SMARCB1: variants seen among roughly 807,000 people sequenced by gnomAD.
The protein encoded by SMARCB1 is SWI/SNF related BAF chromatin remodeling complex subunit B1.
A neutral mutation model predicts 49.0 loss-of-function variants in SMARCB1; 5 were observed. The observed-to-expected ratio is 0.10, with a 90% CI of 0.05 to 0.21. SMARCB1 has a LOEUF of 0.21. SMARCB1 is among the 10% of genes least tolerant of loss of function. The probability of loss-of-function intolerance (pLI) is 1.00; values close to 1 mark genes in which losing one functional copy is unlikely to be tolerated. For missense variants in SMARCB1, 226 were observed against 509.2 expected, an observed-to-expected ratio of 0.44 and a Z score of 5.35; for synonymous variants, 201 against 200.1, an observed-to-expected ratio of 1.00 and a Z score of -0.04.
At chr22:23,800,898 T>A in intron 3 of SMARCB1, 46 bp from the exon 4 acceptor site, 1 of 1,421,930 alleles carries the variant, frequency 7.0e-7, no homozygotes, top group Non-Finnish European at 1.0e-6. Context: ...GTGGGCAGGA[T>A]CAGGCTCCTA....
At position 23,835,115 on chromosome 22, in the gene SMARCB1, C is replaced by T; in HGVS notation, c.*935C>T. The T allele has an allele frequency of 3.6e-6, 5 of 1,374,784 alleles. No homozygotes were observed. In the East Asian group the frequency reaches 1.4e-4, roughly 38 times the overall value. The allele number at this position is 1,374,784 out of a possible 1,614,324, so 85.2% of individuals were successfully genotyped here. On this transcript the variant is annotated 3_prime_UTR_variant, in exon 9 of 9. Coordinates refer to ENST00000644036, the MANE Select transcript of SMARCB1 (RefSeq NM_003073.5). ...CCAGCTGTGAGGAATATGGGAATAG[C>T]CCTCCCGGCCTGGTGCCAGCTCTTG...
rs777838393 is a variant in SMARCB1 at position 23,837,165 on chromosome 22, G to GCCACGGACTGTGGGGTCACCCT, written c.*2990_*3011dup. The GCCACGGACTGTGGGGTCACCCT allele has an allele frequency of 2.5e-6, 4 of 1,613,570 alleles. No homozygotes were observed. Among genetic ancestry groups the GCCACGGACTGTGGGGTCACCCT allele is most frequent in the Non-Finnish European group, 3.4e-6 (4 of 1,179,786 alleles). On this transcript the variant is annotated 3_prime_UTR_variant, in exon 9 of 9. Coordinates refer to ENST00000644036, the MANE Select transcript of SMARCB1 (RefSeq NM_003073.5). ...GGCCCACCGCAATCCCTGTGAGACA[G>GCCACGGACTGTGGGGTCACCCT]CCACGGACTGTGGGGTCACCCTCCA...
intron 5 of SMARCB1, 97 bp from the exon 6 acceptor site, chr22:23,816,673 G>A (rs564122717): frequency 3.4e-6 from 4 of 1,170,564 alleles, no homozygotes; most frequent in East Asian, 2.3e-5. Context: ...TCCTGCATCC[G>A]GAGATGTTTG....
chr22:23,834,938 G>T lies in SMARCB1; in HGVS notation c.*758G>T. Reference sequence around the variant, plus strand: ...CCTTGCTGCTCTGAAGTCCCCTGCGGAGGGCCCAGTCCTGTGTGGGCACTG... The same window carrying T: ...CCTTGCTGCTCTGAAGTCCCCTGCGTAGGGCCCAGTCCTGTGTGGGCACTG... On this transcript the variant is annotated 3_prime_UTR_variant, in exon 9 of 9. Coordinates refer to ENST00000644036, the MANE Select transcript of SMARCB1 (RefSeq NM_003073.5). 1 of 1,605,270 alleles carries T rather than the reference G, an allele frequency of 6.2e-7. No homozygotes were observed.
intron 5 of SMARCB1, among the ~76,000 whole-genome samples, chr22:23,808,131 A>AT (rs1336931601): frequency 0.018 from 1,936 of 109,188 alleles, 23 homozygotes; most frequent in Non-Finnish European, 0.028. Flanking sequence ...AATTTTTTGT[A>AT]TTTTTTTTTT....
chr22:23,787,819 G>A (rs1230220844), intron 1 of SMARCB1, among the ~76,000 whole-genome samples: 1 of 152,160 alleles, frequency 6.6e-6, no homozygotes, highest in Non-Finnish European at 1.5e-5. Flanking sequence ...GCTTTTGGGT[G>A]AATAAGGGCC....
chr22:23,809,781 A>G (rs1329806197), intron 5 of SMARCB1, among the ~76,000 whole-genome samples: 1 of 152,158 alleles, frequency 6.6e-6, no homozygotes. Context: ...AAGTACTGAA[A>G]GAAAAGAACT....
chr22:23,824,353 T>C (rs6003895), intron 6 of SMARCB1: 34,708 of 152,282 alleles, frequency 0.23, 5,734 homozygotes, highest in African/African-American at 0.47. Flanking sequence ...CTGGTTGCCC[T>C]GTGGAGCACT....
At chr22:23,830,649 CTTTTTTTTTTTTTTTTTTTT>C (rs56800497) in intron 7 of SMARCB1, among the ~76,000 whole-genome samples, 3 of 95,442 alleles carry the variant, frequency 3.1e-5, no homozygotes, top group Admixed American at 1.1e-4. Context: ...TCCAATTTAT[CTTTTTTTTTTTTTTTTTTTT>C]TTTTTTTTTT....
chr22:23,801,666 CCTT>C (rs1176825192), intron 4 of SMARCB1: 1 of 312,484 alleles, frequency 3.2e-6, no homozygotes, highest in African/African-American at 2.2e-5. Context: ...GGTCACGTGG[CCTT>C]CTCTGCATGA....
intron 7 of SMARCB1, among the ~76,000 whole-genome samples, chr22:23,830,934 C>G (rs1030481714): frequency 6.6e-6 from 1 of 152,142 alleles, no homozygotes; most frequent in African/African-American, 2.4e-5. Flanking sequence ...GCTGGGATTA[C>G]AGGTGTGAGC....
At chr22:23,802,895 T>C (rs35719255) in intron 4 of SMARCB1, 3 of 355,158 alleles carry the variant, frequency 8.4e-6, no homozygotes, top group Non-Finnish European at 1.7e-5. Flanking sequence ...GGTCTGTTTG[T>C]ACGTCCTCAG....
chr22:23,817,901 T>C (rs8139336), intron 6 of SMARCB1: 18,808 of 151,934 alleles, frequency 0.12, 1,264 homozygotes, highest in South Asian at 0.27. Context: ...TCTTGACTCA[T>C]TGCAACCTCC....
chr22:23,798,822 G>A (rs1601398739), intron 3 of SMARCB1, among the ~76,000 whole-genome samples: 1 of 152,036 alleles, frequency 6.6e-6, no homozygotes, highest in Non-Finnish European at 1.5e-5. Context: ...AGGCCGAGGC[G>A]GGCGGATCAC....
chr22:23,835,344 C>T lies in SMARCB1; in HGVS notation c.*1164C>T, dbSNP rs1016903405. On this transcript the variant is annotated 3_prime_UTR_variant, in exon 9 of 9. Coordinates refer to ENST00000644036, the MANE Select transcript of SMARCB1 (RefSeq NM_003073.5). ...TGGGCACAGATCCGGGCACAGATCC[C>T]AGCACAGACTGCTGCCACCCTCAGC... 3.0e-6 allele frequency: 3 copies of T among 998,378 alleles called. No homozygotes were observed. The highest frequency in any genetic ancestry group is 1.7e-5 in the African/African-American group (1 of 57,850). The allele number at this position is 998,378 out of a possible 1,614,324, so 61.8% of individuals were successfully genotyped here.
chr22:23,826,635 C>T (rs1334079151), intron 7 of SMARCB1, among the ~76,000 whole-genome samples: 1 of 152,158 alleles, frequency 6.6e-6, no homozygotes, highest in Non-Finnish European at 1.5e-5. Context: ...GGGATGACAG[C>T]TTAAAATGCT....
At chr22:23,809,808 G>A (rs1929751792) in intron 5 of SMARCB1, among the ~76,000 whole-genome samples, 1 of 152,084 alleles carries the variant, frequency 6.6e-6, no homozygotes, top group Admixed American at 6.6e-5. Flanking sequence ...CTAGAATCCT[G>A]TACCCAGTGA....
chr22:23,807,229 GGGC>G lies in SMARCB1; in HGVS notation c.628+3808_628+3810del, dbSNP rs558386974. On this transcript the variant is annotated intron_variant, in intron 5 of 8. Coordinates refer to ENST00000644036, the MANE Select transcript of SMARCB1 (RefSeq NM_003073.5). ...TGGCACACAGGCAAAGGAGTGATTAGGGCCCTGAGTGTCTACACTTGGCTACAG... is the reference window on the plus strand; with the variant it reads ...TGGCACACAGGCAAAGGAGTGATTAGCCTGAGTGTCTACACTTGGCTACAG... Among the ~76,000 whole-genome samples the G allele has an allele frequency of 3.3e-5, 5 of 152,282 alleles. No homozygotes were observed. The South Asian group carries it at 1.0e-3, about 32-fold the overall frequency.
rs998739447 is a variant in SMARCB1, at chr22:23,817,047, A to G, written c.795+111A>G. 9.3e-6 allele frequency: 8 copies of G among 861,492 alleles called. No homozygotes were observed. The Admixed American group carries it at 1.0e-4, about 11-fold the overall frequency. The allele number at this position is 861,492 out of a possible 1,614,324, so 53.4% of individuals were successfully genotyped here. On this transcript the variant is annotated intron_variant, in intron 6 of 8. Coordinates refer to ENST00000644036, the MANE Select transcript of SMARCB1 (RefSeq NM_003073.5). ...CAGCAGAAGCCCGTCTTTGGGTTCC[A>G]TATCATCTGGAAAGTCATAACACCT...
Sources: gnomAD v4.1 joint callset for allele counts (sites outside exome capture counted in the v4.1 genomes callset) on GRCh38, gnomAD v4.1.1 for gene constraint, MANE v1.5 for transcripts, NCBI Gene and HGNC (gene_info 2026-07-23, HGNC 2026-07-21) for gene names.